The following FHIT variants were observed in gnomAD, a reference collection of about 807,000 sequenced individuals.
FHIT encodes the protein bis(5'-adenosyl)-triphosphatase.
A neutral mutation model predicts 17.9 loss-of-function variants in FHIT; 19 were observed. That is an observed-to-expected ratio of 1.06 (90% CI 0.74 to 1.56). The LOEUF (loss-of-function observed/expected upper bound fraction) is 1.56, where lower values mean the gene tolerates loss of function less well. FHIT is among the 40% of genes most tolerant of loss of function. The pLI, the probability that FHIT is intolerant of heterozygous loss-of-function variation, is 0.00. For missense variants in FHIT, 248 were observed against 189.2 expected (o/e 1.31, Z -1.82); for synonymous variants, 81 against 69.7 (o/e 1.16, Z -0.81).
chr3:60,867,966 A>C (rs1704236931), intron 3 of FHIT, among the ~76,000 whole-genome samples: 1 of 152,224 alleles, frequency 6.6e-6, no homozygotes, highest in Admixed American at 6.5e-5. Context: ...AGAAAAGCAG[A>C]GCACAGTAGA....
intron 4 of FHIT, among the ~76,000 whole-genome samples, chr3:60,567,520 C>T (rs148025380): frequency 0.014 from 2,078 of 152,250 alleles, 40 homozygotes; most frequent in African/African-American, 0.046. Context: ...AAAACCTAGG[C>T]AATACCATTC....
At chr3:59,975,112 T>C (rs1246766198) in intron 7 of FHIT, among the ~76,000 whole-genome samples, 2 of 152,120 alleles carry the variant, frequency 1.3e-5, no homozygotes, top group Non-Finnish European at 2.9e-5. Flanking sequence ...GTTTTATTCA[T>C]TACTGTATCC....
At chr3:61,207,304 G>GTC (rs1560074118) in intron 1 of FHIT, among the ~76,000 whole-genome samples, 1 of 152,048 alleles carries the variant, frequency 6.6e-6, no homozygotes, top group East Asian at 1.9e-4. Context: ...TCTCTGCCCA[G>GTC]CTTTGGTATC....
intron 5 of FHIT, among the ~76,000 whole-genome samples, chr3:60,293,192 G>T (rs1268841452): frequency 6.6e-6 from 1 of 152,064 alleles, no homozygotes; most frequent in Non-Finnish European, 1.5e-5. Context: ...AGAAAGAAGA[G>T]GAGCCTAAAT....
rs529523522 is a variant in FHIT at position 60,168,338 on chromosome 3, T to C, written c.104-154186A>G. Among the ~76,000 whole-genome samples, 32 of 152,306 alleles carry C rather than the reference T, an allele frequency of 2.1e-4. 1 individual carries two copies. The South Asian group carries it at 2.3e-3, about 11-fold the overall frequency. On this transcript the variant is annotated intron_variant, in intron 5 of 9. Transcript: ENST00000492590. The stretch of plus-strand genomic sequence containing the variant: ...ATTTTACCCTTCATTTTCAAGTACA[T>C]TGTCTATTAACAGCGTCCATGAGCC...
chr3:60,224,072 A>T (rs1704080875), intron 5 of FHIT, among the ~76,000 whole-genome samples: 1 of 152,174 alleles, frequency 6.6e-6, no homozygotes, highest in Non-Finnish European at 1.5e-5. Flanking sequence ...CAATAATAGC[A>T]AACTTTTATT....
At chr3:61,222,407 T>TCAACAAAATATTCAACA in intron 1 of FHIT, among the ~76,000 whole-genome samples, 1 of 152,294 alleles carries the variant, frequency 6.6e-6, no homozygotes, top group East Asian at 1.9e-4. Context: ...AAAATATTGG[T>TCAACAAAATATTCAACA]AGAGAATGGC....
intron 5 of FHIT, among the ~76,000 whole-genome samples, chr3:60,183,110 G>A (rs1039016520): frequency 7.2e-5 from 11 of 151,984 alleles, no homozygotes; most frequent in Non-Finnish European, 1.5e-4. Flanking sequence ...AGTGGTCAGA[G>A]GAGCTGGCCA....
intron 8 of FHIT, among the ~76,000 whole-genome samples, chr3:59,839,677 T>C (rs1294551019): frequency 6.6e-6 from 1 of 152,126 alleles, no homozygotes; most frequent in Non-Finnish European, 1.5e-5. Context: ...TCTGGGAAGA[T>C]CTACTTCAAT....
At chr3:59,858,383 C>T (rs1425630643) in intron 8 of FHIT, among the ~76,000 whole-genome samples, 2 of 151,584 alleles carry the variant, frequency 1.3e-5, no homozygotes, top group African/African-American at 2.4e-5. Flanking sequence ...CCCGCCACTA[C>T]GCCTGGCTAA....
intron 7 of FHIT, among the ~76,000 whole-genome samples, chr3:59,987,939 A>C (rs1459791299): frequency 6.6e-6 from 1 of 152,106 alleles, no homozygotes; most frequent in Non-Finnish European, 1.5e-5. Flanking sequence ...TATTTTGAAA[A>C]GGGGAACAAG....
chr3:59,826,276 C>A (rs1169009428), intron 8 of FHIT, among the ~76,000 whole-genome samples: 1 of 152,144 alleles, frequency 6.6e-6, no homozygotes, highest in African/African-American at 2.4e-5. Flanking sequence ...CACCACCACG[C>A]CCAGCTAATT....
At chr3:60,108,991 C>A (rs544381917) in intron 5 of FHIT, among the ~76,000 whole-genome samples, 27 of 152,256 alleles carry the variant, frequency 1.8e-4, no homozygotes, top group African/African-American at 6.3e-4. Context: ...GATTTGAGTT[C>A]TCATTGTTAA....
intron 5 of FHIT, among the ~76,000 whole-genome samples, chr3:60,046,812 G>A (rs1435931353): frequency 6.6e-6 from 1 of 152,180 alleles, no homozygotes; most frequent in Non-Finnish European, 1.5e-5. Flanking sequence ...CAAGCTTTCT[G>A]ATGCCAGGCA....
chr3:59,800,709 G>C (rs1427142625), intron 8 of FHIT, among the ~76,000 whole-genome samples: 2 of 152,126 alleles, frequency 1.3e-5, no homozygotes, highest in Non-Finnish European at 2.9e-5. Context: ...ATTAACTCTG[G>C]GATCAGTGTG....
intron 3 of FHIT, among the ~76,000 whole-genome samples, chr3:60,827,693 G>T (rs1702177481): frequency 6.6e-6 from 1 of 152,174 alleles, no homozygotes; most frequent in African/African-American, 2.4e-5. Context: ...CCTTATAAAT[G>T]GAACTGCAGC....
chr3:60,296,344 T>G (rs1439010616), intron 5 of FHIT, among the ~76,000 whole-genome samples: 2 of 152,090 alleles, frequency 1.3e-5, no homozygotes, highest in Non-Finnish European at 2.9e-5. Flanking sequence ...CACCAGCATT[T>G]AGTGTTGTCA....
intron 2 of FHIT, among the ~76,000 whole-genome samples, chr3:61,110,489 A>G (rs760487780): frequency 6.6e-6 from 1 of 152,118 alleles, no homozygotes; most frequent in Non-Finnish European, 1.5e-5. Flanking sequence ...CATGGCATTT[A>G]TCACTTTCTA....
chr3:60,880,180 CTT>C (rs1435994673), intron 3 of FHIT, among the ~76,000 whole-genome samples: 2 of 152,144 alleles, frequency 1.3e-5, no homozygotes, highest in African/African-American at 4.8e-5. Flanking sequence ...TAACAGAAGA[CTT>C]TCAGCAGAAC....
Sources: allele counts gnomAD v4.1 joint callset (sites outside exome capture counted in the v4.1 genomes callset), GRCh38; gene constraint gnomAD v4.1.1; transcripts MANE v1.5; gene names NCBI Gene and HGNC (gene_info 2026-07-23, HGNC 2026-07-21).